PARD3B: variants seen among roughly 807,000 people sequenced by gnomAD.
PARD3B encodes partitioning defective 3 homolog B.
In PARD3B, 103 loss-of-function variants were observed where a neutral mutation model predicts 130.2. The ratio of observed to expected loss-of-function variants is 0.79; its 90% CI spans 0.67 to 0.93. PARD3B has a LOEUF of 0.93. Ranked by LOEUF, PARD3B falls within the 40% of genes least tolerant of loss-of-function variation. The pLI, the probability that PARD3B is intolerant of heterozygous loss-of-function variation, is 0.00. For missense variants in PARD3B, 1,609 were observed against 1,499.2 expected, an observed-to-expected ratio of 1.07 and a Z score of -1.21; for synonymous variants, 583 against 553.2, an observed-to-expected ratio of 1.05 and a Z score of -0.76.
chr2:204,679,499 T>A (rs1198130038), intron 1 of PARD3B, among the ~76,000 whole-genome samples: 2 of 152,170 alleles, frequency 1.3e-5, no homozygotes, highest in African/African-American at 4.8e-5. Flanking sequence ...CTAACCCCAG[T>A]CAATTTGGAC....
At chr2:205,484,648 G>A (rs1270007323) in intron 20 of PARD3B, among the ~76,000 whole-genome samples, 5 of 152,122 alleles carry the variant, frequency 3.3e-5, no homozygotes, top group South Asian at 2.1e-4. Context: ...CTGTTGGAAC[G>A]AAGCAAGGAA....
chr2:205,328,266 T>C (rs138087817), intron 18 of PARD3B, among the ~76,000 whole-genome samples: 39 of 152,292 alleles, frequency 2.6e-4, no homozygotes, highest in African/African-American at 8.9e-4. Flanking sequence ...CATTATGAGA[T>C]TGACATTATA....
At chr2:205,383,101 T>TAGATAGATAGATAGAG (rs1553500276) in intron 18 of PARD3B, among the ~76,000 whole-genome samples, 1 of 132,342 alleles carries the variant, frequency 7.6e-6, no homozygotes. Context: ...GATAGATAGA[T>TAGATAGATAGATAGAG]AGATAGATAG....
rs73985910 is a variant in PARD3B, at chr2:205,078,016, T to C, written c.505-26410T>C. On this transcript the variant is annotated intron_variant, in intron 4 of 22. Coordinates refer to ENST00000406610, the MANE Select transcript of PARD3B (RefSeq NM_001302769.2). This position sits in a 1 kb window ranked among gnomAD's most constrained non-coding sequence, Gnocchi z 4.0. ...TAAACTTACCTAATTATTAAAATGC[T>C]GCCCTTTGGTTTTTGACTTAATAAT... Among the ~76,000 whole-genome samples the C allele has an allele frequency of 0.013, 2,041 of 152,358 alleles. 33 individuals carry two copies. The highest frequency in any genetic ancestry group is 0.045 in the African/African-American group (1,870 of 41,580).
intron 21 of PARD3B, among the ~76,000 whole-genome samples, chr2:205,528,517 G>C (rs1377158177): frequency 6.7e-6 from 1 of 150,172 alleles, no homozygotes; most frequent in Non-Finnish European, 1.5e-5. Context: ...TTTTGAAACA[G>C]AGTCTTGCTC....
intron 19 of PARD3B, among the ~76,000 whole-genome samples, chr2:205,431,207 G>A (rs2047320704): frequency 6.6e-6 from 1 of 152,192 alleles, no homozygotes; most frequent in South Asian, 2.1e-4. Flanking sequence ...CTCCCAAGTA[G>A]CTGGGATTAT....
chr2:204,836,030 G>A (rs2044019822), intron 2 of PARD3B, among the ~76,000 whole-genome samples: 1 of 152,170 alleles, frequency 6.6e-6, no homozygotes, highest in African/African-American at 2.4e-5. Context: ...ATCAAACTAT[G>A]AACATGAAGT....
At chr2:204,920,080 G>A (rs182938801) in intron 2 of PARD3B, among the ~76,000 whole-genome samples, 5 of 152,276 alleles carry the variant, frequency 3.3e-5, no homozygotes, top group Admixed American at 3.3e-4. Context: ...GGAAATGTGT[G>A]TAAAGAACAA....
intron 18 of PARD3B, among the ~76,000 whole-genome samples, chr2:205,339,050 G>A (rs572655478): frequency 3.1e-4 from 47 of 152,166 alleles, no homozygotes; most frequent in African/African-American, 1.0e-3. Flanking sequence ...TGTAAAATTC[G>A]CTTGAAGTTT....
At chr2:205,492,527 G>T (rs1456475685) in intron 20 of PARD3B, among the ~76,000 whole-genome samples, 2 of 152,120 alleles carry the variant, frequency 1.3e-5, no homozygotes, top group Non-Finnish European at 2.9e-5. Context: ...TTCATTAATA[G>T]TGACAGTAAA....
At chr2:205,087,730 T>G (rs1701826356) in intron 4 of PARD3B, among the ~76,000 whole-genome samples, 1 of 152,212 alleles carries the variant, frequency 6.6e-6, no homozygotes, top group African/African-American at 2.4e-5. Context: ...CTGGGATGAA[T>G]GTCACCATTT....
chr2:205,328,234 T>C (rs749056783), intron 18 of PARD3B, among the ~76,000 whole-genome samples: 2 of 152,314 alleles, frequency 1.3e-5, no homozygotes, highest in Non-Finnish European at 2.9e-5. Flanking sequence ...TTAATCCTAA[T>C]GCCCTGGTTT....
rs574714210 is a variant in PARD3B at position 205,187,993 on chromosome 2, A to C, written c.2024+2130A>C. Among the ~76,000 whole-genome samples, 1 of 152,334 alleles carries C rather than the reference A, an allele frequency of 6.6e-6. No individual in the cohort carries two copies. Among genetic ancestry groups the C allele is most frequent in the East Asian group, 1.9e-4 (1 of 5,182 alleles). On this transcript the variant is annotated intron_variant, in intron 14 of 22. Transcript: ENST00000406610. This position sits in a 1 kb window ranked among gnomAD's most constrained non-coding sequence, Gnocchi z 4.9. ...AAGTATTTCTGGAGCTCTGAGCCAG[A>C]CACTGTAGAAAGAACTCAAATGGAT...
At chr2:205,103,660 A>G (rs1397561270) in intron 4 of PARD3B, 1 of 957,132 alleles carries the variant, frequency 1.0e-6, no homozygotes, top group East Asian at 1.2e-4. Context: ...AGAGACAGGT[A>G]TCCACAGGAT....
chr2:205,037,677 CTA>C (rs67377114), intron 3 of PARD3B, among the ~76,000 whole-genome samples: 55,197 of 148,434 alleles, frequency 0.37, 10,482 homozygotes, highest in South Asian at 0.54. Flanking sequence ...ATATAGTGGA[CTA>C]TATATATATA....
intron 22 of PARD3B, among the ~76,000 whole-genome samples, chr2:205,604,168 A>G (rs2054895877): frequency 1.3e-5 from 2 of 152,192 alleles, no homozygotes; most frequent in Admixed American, 1.3e-4. Context: ...AATATTGAAT[A>G]TTGGCCCCCA....
chr2:204,569,362 T>G (rs1015115188), intron 1 of PARD3B, among the ~76,000 whole-genome samples: 2 of 152,250 alleles, frequency 1.3e-5, no homozygotes, highest in Non-Finnish European at 2.9e-5. Flanking sequence ...TAAGCTCCAA[T>G]TCAGATAGTA....
At chr2:204,914,693 G>C (rs767035632) in intron 2 of PARD3B, among the ~76,000 whole-genome samples, 10 of 152,162 alleles carry the variant, frequency 6.6e-5, no homozygotes, top group Non-Finnish European at 1.0e-4. Context: ...ACATGTCCTG[G>C]TGGTGAAGAG....
At chr2:205,249,052 C>T (rs13419875) in intron 16 of PARD3B, among the ~76,000 whole-genome samples, 4,904 of 144,100 alleles carry the variant, frequency 0.034, 100 homozygotes, top group Middle Eastern at 0.061. Flanking sequence ...CTGTGTCACC[C>T]AGGCTGGAGT....
Sources: gnomAD v4.1 joint callset for allele counts (sites outside exome capture counted in the v4.1 genomes callset) on GRCh38, gnomAD v4.1.1 for gene constraint, Gnocchi (gnomAD v3.1) non-coding constraint, MANE v1.5 for transcripts, NCBI Gene and HGNC (gene_info 2026-07-23, HGNC 2026-07-21) for gene names.